ORC2: variants seen among roughly 807,000 people sequenced by gnomAD.
The protein encoded by ORC2 is origin recognition complex subunit 2, also known as origin recognition complex protein 2 homolog.
A neutral mutation model predicts 77.7 loss-of-function variants in ORC2; 37 were observed. The ratio of observed to expected loss-of-function variants is 0.48; its 90% CI spans 0.37 to 0.63. The LOEUF (loss-of-function observed/expected upper bound fraction) is 0.63, where lower values mean the gene tolerates loss of function less well. Ranked by LOEUF, ORC2 falls within the 20% of genes least tolerant of loss-of-function variation. The probability of loss-of-function intolerance (pLI) is 0.00; values close to 1 mark genes in which losing one functional copy is unlikely to be tolerated. For missense variants in ORC2, 557 were observed against 661.9 expected (o/e 0.84, Z 1.74); for synonymous variants, 201 against 229.5 (o/e 0.88, Z 1.12).
chr2:200,922,669 C>G (rs2040780141), intron 13 of ORC2, among the ~76,000 whole-genome samples: 1 of 151,986 alleles, frequency 6.6e-6, no homozygotes, highest in East Asian at 1.9e-4. Context: ...ATCCCAGGTT[C>G]CCTGAAATCT....
chr2:200,935,713 T>G lies in ORC2; in HGVS notation c.694A>C (p.Lys232Gln). The change falls in exon 9 of 18, where the codon AAA (lysine) becomes CAA (glutamine). Residue 232 changes from lysine (K) to glutamine (Q), a missense_variant. Coordinates refer to ENST00000234296, the MANE Select transcript of ORC2 (RefSeq NM_006190.5). ...VGKETPSKRM[K>Q]RDKTSDLVEE... The stretch of plus-strand genomic sequence containing the variant: ...TCTTCACTTACTGTTTTATCTCTTT[T>G]CATTCTCTTAGAAGGTGTTTCTTTG... 6.2e-7 allele frequency: 1 copy of G among 1,604,744 alleles called. No homozygotes were observed. The highest frequency in any genetic ancestry group is 8.5e-7 in the Non-Finnish European group (1 of 1,177,090).
intron 7 of ORC2, among the ~76,000 whole-genome samples, chr2:200,939,587 T>C (rs1445519885): frequency 6.6e-6 from 1 of 152,208 alleles, no homozygotes; most frequent in African/African-American, 2.4e-5. Context: ...TAAAATATCA[T>C]GTCCCTAACT....
rs2040731858 is a variant in ORC2, at chr2:200,920,233, G to A, written c.1455C>T (p.Thr485=). The A allele has an allele frequency of 6.2e-7, 1 of 1,611,484 alleles. No individual in the cohort carries two copies. Among genetic ancestry groups the A allele is most frequent in the Non-Finnish European group, 8.5e-7 (1 of 1,178,688 alleles). Residue 485 remains threonine (T), a synonymous_variant, in exon 15 of 18, where the codon ACC becomes ACT. Coordinates refer to ENST00000234296, the MANE Select transcript of ORC2 (RefSeq NM_006190.5). ...SSLTHVLRSL[T]PNARGIFRLL... is the part of the protein sequence containing the mutation. Reference sequence around the variant, plus strand: ...GTTTTCATCCTTACCTTGCATTAGGGGTAAGGCTTCGTAAGACATGAGTAA... The same window carrying A: ...GTTTTCATCCTTACCTTGCATTAGGAGTAAGGCTTCGTAAGACATGAGTAA...
intron 15 of ORC2, among the ~76,000 whole-genome samples, chr2:200,919,474 T>C (rs2040719352): frequency 6.6e-6 from 1 of 152,222 alleles, no homozygotes; most frequent in Non-Finnish European, 1.5e-5. Context: ...TTCTCCGGCC[T>C]CAGCCTCTTG....
At chr2:200,915,260 G>C (rs891180486) in intron 15 of ORC2, among the ~76,000 whole-genome samples, 5 of 151,692 alleles carry the variant, frequency 3.3e-5, no homozygotes, top group African/African-American at 1.2e-4. Flanking sequence ...TGATCCACCC[G>C]CCTCGGCCTG....
intron 7 of ORC2, among the ~76,000 whole-genome samples, chr2:200,940,500 T>C (rs927239614): frequency 6.6e-6 from 1 of 152,154 alleles, no homozygotes; most frequent in Non-Finnish European, 1.5e-5. Context: ...GAGAAAATTA[T>C]ACCACAAAAA....
chr2:200,913,797 G>T, intron 16 of ORC2, 134 bp downstream of exon 16: 1 of 1,417,434 alleles, frequency 7.1e-7, no homozygotes. Context: ...TTGCTATGTG[G>T]CAGACATACC....
intron 7 of ORC2, among the ~76,000 whole-genome samples, chr2:200,940,823 G>GA (rs2041138525): frequency 1.3e-5 from 2 of 151,472 alleles, no homozygotes; most frequent in African/African-American, 4.9e-5. Flanking sequence ...AACAAACAAA[G>GA]AAAAAACCCC....
intron 13 of ORC2, among the ~76,000 whole-genome samples, chr2:200,924,656 TACTC>T (rs1226880086): frequency 1.3e-5 from 2 of 152,196 alleles, no homozygotes; most frequent in African/African-American, 4.8e-5. Flanking sequence ...TTTTCTGACA[TACTC>T]ACATAACCAA....
rs1321604330 is a variant in ORC2, at chr2:200,910,545, A to G, written c.*756T>C. The G allele has an allele frequency of 6.6e-6, 1 of 152,168 alleles. No homozygotes were observed. The highest frequency in any genetic ancestry group is 2.4e-5 in the African/African-American group (1 of 41,432). 9.4% of individuals were successfully genotyped at this position (152,168 alleles called of 1,614,324 possible). Reference sequence around the variant, plus strand: ...AACAATTACTAAAATGTAATTCAGGATTTTATTTCTCTAGCCTGGCTTCTC... The same window carrying G: ...AACAATTACTAAAATGTAATTCAGGGTTTTATTTCTCTAGCCTGGCTTCTC... On this transcript the variant is annotated 3_prime_UTR_variant, in exon 18 of 18. Transcript: ENST00000234296.
intron 17 of ORC2, among the ~76,000 whole-genome samples, chr2:200,912,912 T>C (rs2040575989): frequency 6.6e-6 from 1 of 152,214 alleles, no homozygotes; most frequent in Non-Finnish European, 1.5e-5. Context: ...TTAAGCTCCA[T>C]AAGAAAAGCA....
chr2:200,928,351 A>T (rs899133338), intron 11 of ORC2, among the ~76,000 whole-genome samples: 2 of 151,612 alleles, frequency 1.3e-5, no homozygotes, highest in Admixed American at 6.6e-5. Flanking sequence ...GTAAGATTCC[A>T]TCTTAAATAA....
Position 200,917,902 on chromosome 2 carries a change from TAA to T in ORC2, c.1466+2318_1466+2319del, listed in dbSNP as rs756570870. Among the ~76,000 whole-genome samples the T allele has an allele frequency of 2.6e-3, 381 of 144,398 alleles. 3 individuals are homozygous for T. Among genetic ancestry groups the T allele is most frequent in the African/African-American group, 8.8e-3 (348 of 39,462 alleles). 94.7% of individuals were successfully genotyped at this position (144,398 alleles called of 152,430 possible). On this transcript the variant is annotated intron_variant, in intron 15 of 17. Coordinates refer to ENST00000234296, the MANE Select transcript of ORC2 (RefSeq NM_006190.5). ...TGGAAAATAAATTGCTAGGGGGGGTTAAAAAAAAAAAAGATATCCCCAAAGTC... is the reference window on the plus strand; with the variant it reads ...TGGAAAATAAATTGCTAGGGGGGGTTAAAAAAAAAAGATATCCCCAAAGTC...
intron 6 of ORC2, among the ~76,000 whole-genome samples, chr2:200,941,963 C>G (rs71424276): frequency 2.0e-5 from 3 of 151,516 alleles, no homozygotes; most frequent in Admixed American, 6.6e-5. Context: ...CTCCAGCACT[C>G]CAGCACTCCA....
intron 15 of ORC2, 66 bp downstream of exon 15, chr2:200,920,156 A>C: frequency 8.0e-7 from 1 of 1,250,976 alleles, no homozygotes; most frequent in Non-Finnish European, 1.1e-6. Context: ...TATCCCCATT[A>C]AAACCTAGTA....
rs192253181 is a variant in ORC2, at chr2:200,961,046, A to G, written c.-59-1606T>C. Among the ~76,000 whole-genome samples, 31 of 152,250 alleles carry G rather than the reference A, an allele frequency of 2.0e-4. 1 individual carries two copies. The highest frequency in any genetic ancestry group is 7.5e-4 in the African/African-American group (31 of 41,538). On this transcript the variant is annotated intron_variant, in intron 1 of 17. Coordinates refer to ENST00000234296, the MANE Select transcript of ORC2 (RefSeq NM_006190.5). ...CACCTCAGCCTCCCAAAGTGTTGGG[A>G]TTACAGGTGTAAGCCACTGCACCTG... is the stretch of plus-strand genomic sequence containing the variant.
chr2:200,928,142 G>A (rs1170626009), intron 11 of ORC2, among the ~76,000 whole-genome samples: 2 of 151,304 alleles, frequency 1.3e-5, no homozygotes, highest in East Asian at 4.0e-4. Flanking sequence ...GATCACATGA[G>A]GCCAGGAATT....
At chr2:200,936,615 A>T (rs981962355) in intron 8 of ORC2, among the ~76,000 whole-genome samples, 10 of 152,286 alleles carry the variant, frequency 6.6e-5, no homozygotes, top group African/African-American at 2.4e-4. Context: ...CTATGGCTTA[A>T]ACTACCATTA....
At position 200,950,620 on chromosome 2, in the gene ORC2, C is replaced by CGT. The variant is rs59303773; in HGVS notation, c.239-979_239-978dup. Among the ~76,000 whole-genome samples the CGT allele has an allele frequency of 3.2e-4, 49 of 152,190 alleles. No individual in the cohort carries two copies. The East Asian group carries it at 9.1e-3, about 28-fold the overall frequency. On this transcript the variant is annotated intron_variant, in intron 4 of 17. Coordinates refer to ENST00000234296, the MANE Select transcript of ORC2 (RefSeq NM_006190.5). ...AGTTACCATATTGACTAATGGAATG[C>CGT]GTGAAGAAGAAAATCCAGTTGCCTT...
Sources: gnomAD v4.1 joint callset for allele counts (sites outside exome capture counted in the v4.1 genomes callset) on GRCh38, gnomAD v4.1.1 for gene constraint, MANE v1.5 for transcripts, NCBI Gene and HGNC (gene_info 2026-07-23, HGNC 2026-07-21) for gene names.